Variants in APOL3 observed in about 807,000 individuals in gnomAD.
The protein encoded by APOL3 is apolipoprotein L3.
In APOL3, 14 loss-of-function variants were observed where a neutral mutation model predicts 11.6. The ratio of observed to expected loss-of-function variants is 1.21; its 90% CI spans 0.80 to 1.89. The LOEUF is 1.89. APOL3 is among the 40% of genes most tolerant of loss of function. The pLI is 0.00. For synonymous variants in APOL3, 192 were observed against 190.6 expected (o/e 1.01, Z -0.06); for missense variants, 483 against 492.1 (o/e 0.98, Z 0.17).
chr22:36,162,076 T>C (rs1338750993), upstream of APOL3, among the ~76,000 whole-genome samples: 1 of 152,214 alleles, frequency 6.6e-6, no homozygotes, highest in East Asian at 1.9e-4. Context: ...TGTTTGATCA[T>C]ATAGCCTCCA....
At chr22:36,144,301 C>A (rs1004740360) in intron 2 of APOL3, among the ~76,000 whole-genome samples, 7 of 152,148 alleles carry the variant, frequency 4.6e-5, no homozygotes, top group Non-Finnish European at 8.8e-5. Context: ...CCAGGCCCAC[C>A]CCTGCCCCAT....
intron 1 of APOL3, among the ~76,000 whole-genome samples, chr22:36,159,869 G>A (rs900102614): frequency 1.1e-4 from 17 of 150,752 alleles, no homozygotes; most frequent in Admixed American, 8.6e-4. Flanking sequence ...ATCTCTTTTC[G>A]CTCTCTCTCT....
At chr22:36,152,535 T>C (rs1406812384) in intron 1 of APOL3, among the ~76,000 whole-genome samples, 1 of 152,100 alleles carries the variant, frequency 6.6e-6, no homozygotes, top group African/African-American at 2.4e-5. Context: ...TTTTGTAAAG[T>C]GAAGAGTCAA....
At chr22:36,155,169 T>C (rs2146863644) in intron 1 of APOL3, among the ~76,000 whole-genome samples, 1 of 152,292 alleles carries the variant, frequency 6.6e-6, no homozygotes, top group African/African-American at 2.4e-5. Flanking sequence ...CCCAGGCAGC[T>C]GTGAGGTGGC....
intron 1 of APOL3, among the ~76,000 whole-genome samples, chr22:36,158,770 G>T (rs2013315654): frequency 6.6e-6 from 1 of 152,078 alleles, no homozygotes; most frequent in Non-Finnish European, 1.5e-5. Flanking sequence ...GTGAGCCGAT[G>T]GTGCTACTTG....
At chr22:36,144,473 C>G (rs902438892) in intron 2 of APOL3, among the ~76,000 whole-genome samples, 1 of 152,142 alleles carries the variant, frequency 6.6e-6, no homozygotes, top group Non-Finnish European at 1.5e-5. Context: ...GTCCCAGTCT[C>G]CAAGACATAA....
At chr22:36,157,389 G>A (rs2013074836) in intron 1 of APOL3, among the ~76,000 whole-genome samples, 1 of 152,112 alleles carries the variant, frequency 6.6e-6, no homozygotes, top group Non-Finnish European at 1.5e-5. Flanking sequence ...TCTGTAGTAG[G>A]TACCCATGAA....
Position 36,145,750 on chromosome 22 carries a change from T to C in APOL3, c.224-151A>G, listed in dbSNP as rs61382062. The C allele has an allele frequency of 3.9e-3, 3,535 of 917,046 alleles. 67 individuals carry two copies. In the African/African-American group the frequency reaches 0.048, roughly 13 times the overall value. The allele number at this position is 917,046 out of a possible 1,614,324, so 56.8% of individuals were successfully genotyped here. A position where few individuals can be genotyped will look rare whatever the true frequency, so the allele number is the denominator to read the frequency against. ...CATCAGTGCTATAGACTGAGTTGTG[T>C]GCCCTCCAAATTCATATACTGAGAC... On this transcript the variant is annotated intron_variant, in intron 1 of 2. Coordinates refer to ENST00000349314, the Ensembl canonical transcript of APOL3.
At chr22:36,147,950 G>T (rs942738650) in intron 1 of APOL3, among the ~76,000 whole-genome samples, 7 of 152,202 alleles carry the variant, frequency 4.6e-5, no homozygotes, top group Admixed American at 2.0e-4. Flanking sequence ...ACTTCGGCCA[G>T]TCATGAGCAG....
At chr22:36,164,100 C>A (rs2013799666), upstream of APOL3, among the ~76,000 whole-genome samples, 1 of 152,204 alleles carries the variant, frequency 6.6e-6, no homozygotes, top group South Asian at 2.1e-4. Flanking sequence ...CCCTTGCAAT[C>A]ATTTCTCCTA....
chr22:36,160,862 T>C, exon 1 of APOL3: 1 of 1,613,318 alleles, frequency 6.2e-7, no homozygotes, highest in Non-Finnish European at 8.5e-7. Context: ...AACAGGATGC[T>C]TCCCAGCCCC....
intron 1 of APOL3, among the ~76,000 whole-genome samples, chr22:36,146,612 A>G (rs2060231088): frequency 6.6e-6 from 1 of 151,982 alleles, no homozygotes; most frequent in African/African-American, 2.4e-5. Flanking sequence ...CCTGGGATAT[A>G]GATGTGTTTA....
chr22:36,153,304 G>A (rs1318209669), intron 1 of APOL3: 1 of 442,852 alleles, frequency 2.3e-6, no homozygotes, highest in Non-Finnish European at 4.6e-6. Flanking sequence ...GGTTTGGATT[G>A]TGGTGCCACC....
intron 1 of APOL3, among the ~76,000 whole-genome samples, chr22:36,155,477 C>T (rs533222874): frequency 2.3e-4 from 35 of 152,224 alleles, no homozygotes; most frequent in Admixed American, 5.2e-4. Context: ...TCTGGGGCCC[C>T]CATGCAACCA....
intron 1 of APOL3, chr22:36,150,065 G>T: frequency 2.7e-6 from 1 of 369,994 alleles, no homozygotes; most frequent in Non-Finnish European, 5.4e-6. Flanking sequence ...TCCTGCCTGA[G>T]CCCCCCAAAG....
At chr22:36,158,049 CATAAATAAATAA>C (rs58569199) in intron 1 of APOL3, among the ~76,000 whole-genome samples, 4 of 151,554 alleles carry the variant, frequency 2.6e-5, no homozygotes, top group Non-Finnish European at 4.4e-5. Flanking sequence ...GACTCCATCT[CATAAATAAATAA>C]ATAAATAAAT....
chr22:36,165,737 C>G (rs2013843612), upstream of APOL3: 1 of 152,132 alleles, frequency 6.6e-6, no homozygotes, highest in Non-Finnish European at 1.5e-5. Flanking sequence ...CTCTGCCCAA[C>G]CTACCAGCTA....
At chr22:36,141,638 T>C (rs1731230691) in exon 3 of APOL3, 10 of 1,614,200 alleles carry the variant, frequency 6.2e-6, no homozygotes, top group Non-Finnish European at 8.5e-6. Flanking sequence ...CAATGCTGGT[T>C]GCAGTCAGCC....
intron 1 of APOL3, chr22:36,146,413 G>A (rs1603474769): frequency 6.6e-6 from 1 of 152,090 alleles, no homozygotes; most frequent in Non-Finnish European, 1.5e-5. Flanking sequence ...CAAAATCTGA[G>A]TTTCGACCCA....
Sources: gnomAD v4.1 joint callset for allele counts (sites outside exome capture counted in the v4.1 genomes callset) on GRCh38, gnomAD v4.1.1 for gene constraint, MANE v1.5 for transcripts, NCBI Gene and HGNC (gene_info 2026-07-23, HGNC 2026-07-21) for gene names.